CDKAL1: variants seen among roughly 807,000 people sequenced by gnomAD.
CDKAL1 encodes threonylcarbamoyladenosine tRNA methylthiotransferase.
A neutral mutation model predicts 68.2 loss-of-function variants in CDKAL1; 32 were observed. The observed-to-expected ratio is 0.47, with a 90% CI of 0.35 to 0.63. The LOEUF is 0.63. CDKAL1 is among the 30% of genes least tolerant of loss of function. The probability of loss-of-function intolerance (pLI) is 0.00; values close to 1 mark genes in which losing one functional copy is unlikely to be tolerated. For missense variants in CDKAL1, 606 were observed against 696.7 expected (o/e 0.87, Z 1.47); for synonymous variants, 234 against 244.3 (o/e 0.96, Z 0.39).
rs768104988 is a variant in CDKAL1 at position 20,659,171 on chromosome 6, T to C, written c.371+9794T>C. ...TTTTTAATTAAAAAAATTTTGTCAT[T>C]AGAAGGTAAAAAATCACAGGGTTTT... is the stretch of plus-strand genomic sequence containing the variant. On this transcript the variant is annotated intron_variant, in intron 5 of 15. Coordinates refer to ENST00000274695, the MANE Select transcript of CDKAL1 (RefSeq NM_017774.3). 2.0e-5 allele frequency among the ~76,000 whole-genome samples: 3 copies of C among 152,230 alleles called. No homozygotes were observed. The South Asian group carries it at 6.2e-4, about 32-fold the overall frequency.
chr6:20,925,275 C>A (rs1763136693), intron 9 of CDKAL1, among the ~76,000 whole-genome samples: 1 of 152,200 alleles, frequency 6.6e-6, no homozygotes, highest in South Asian at 2.1e-4. Flanking sequence ...AGACATGATA[C>A]TATTGCATAC....
At chr6:20,957,376 C>A (rs1764829963) in intron 10 of CDKAL1, among the ~76,000 whole-genome samples, 1 of 152,160 alleles carries the variant, frequency 6.6e-6, no homozygotes, top group East Asian at 1.9e-4. Context: ...TATAGCAAAT[C>A]CTAGTGCTCA....
At chr6:20,662,482 G>A (rs997019950) in intron 5 of CDKAL1, among the ~76,000 whole-genome samples, 2 of 152,094 alleles carry the variant, frequency 1.3e-5, no homozygotes, top group Non-Finnish European at 2.9e-5. Context: ...CTAAGGCTGA[G>A]GCTGGTCCCT....
Position 20,538,675 on chromosome 6 carries a change from G to A in CDKAL1, c.-6+3281G>A, listed in dbSNP as rs139107381. Among the ~76,000 whole-genome samples the A allele has an allele frequency of 1.5e-3, 224 of 152,258 alleles. 2 individuals are homozygous for A. In the South Asian group the frequency reaches 0.02, roughly 13 times the overall value. On this transcript the variant is annotated intron_variant, in intron 2 of 15. Coordinates refer to ENST00000274695, the MANE Select transcript of CDKAL1 (RefSeq NM_017774.3). ...TTTAATTATTCATGATCTGTCAGTA[G>A]TTCTTCCGCATTCCAAAGGCACTAC... is the stretch of plus-strand genomic sequence containing the variant.
At chr6:20,620,473 C>T (rs959248243) in intron 4 of CDKAL1, among the ~76,000 whole-genome samples, 6 of 152,052 alleles carry the variant, frequency 3.9e-5, no homozygotes, top group Admixed American at 1.3e-4. Context: ...AAATATTATC[C>T]ACATAAGATA....
rs927336523 is a variant in CDKAL1 at position 20,716,171 on chromosome 6, T to C, written c.372-23348T>C. Reference sequence around the variant, plus strand: ...AGAGAGTTTCTCAGCCTTGTGGGGATTGGGGAGATAGGAACTAACTAAATA... The same window carrying C: ...AGAGAGTTTCTCAGCCTTGTGGGGACTGGGGAGATAGGAACTAACTAAATA... On this transcript the variant is annotated intron_variant, in intron 5 of 15. Coordinates refer to ENST00000274695, the MANE Select transcript of CDKAL1 (RefSeq NM_017774.3). Among the ~76,000 whole-genome samples the C allele has an allele frequency of 7.2e-5, 11 of 152,100 alleles. No homozygotes were observed. The South Asian group carries it at 1.7e-3, about 23-fold the overall frequency.
At chr6:20,915,988 A>G (rs1762708187) in intron 9 of CDKAL1, among the ~76,000 whole-genome samples, 1 of 152,178 alleles carries the variant, frequency 6.6e-6, no homozygotes, top group Admixed American at 6.5e-5. Flanking sequence ...TGACAAAACT[A>G]TAGAGATAGA....
At chr6:20,662,598 T>G (rs1430279345) in intron 5 of CDKAL1, among the ~76,000 whole-genome samples, 1 of 152,140 alleles carries the variant, frequency 6.6e-6, no homozygotes, top group East Asian at 1.9e-4. Flanking sequence ...TGTCATTTCT[T>G]TATCTGTCTG....
At chr6:20,894,430 A>G (rs1169040969) in intron 9 of CDKAL1, among the ~76,000 whole-genome samples, 1 of 146,702 alleles carries the variant, frequency 6.8e-6, no homozygotes, top group Non-Finnish European at 1.5e-5. Context: ...TAAACATATA[A>G]TGGATATTTC....
chr6:21,036,526 T>C (rs1423614103), intron 11 of CDKAL1, among the ~76,000 whole-genome samples: 5 of 152,210 alleles, frequency 3.3e-5, no homozygotes, highest in Non-Finnish European at 7.4e-5. Context: ...CAAGGACGTA[T>C]GAGATTCAGA....
chr6:20,838,988 A>T (rs1581677709), intron 8 of CDKAL1, among the ~76,000 whole-genome samples: 1 of 152,036 alleles, frequency 6.6e-6, no homozygotes, highest in African/African-American at 2.4e-5. Context: ...AAAAAAAAAA[A>T]AATTCTAACT....
Position 20,727,685 on chromosome 6 carries a change from G to A in CDKAL1, c.372-11834G>A, listed in dbSNP as rs1466891075. 2.6e-5 allele frequency among the ~76,000 whole-genome samples: 4 copies of A among 152,148 alleles called. No homozygotes were observed. The East Asian group carries it at 7.7e-4, about 29-fold the overall frequency. On this transcript the variant is annotated intron_variant, in intron 5 of 15. Transcript: ENST00000274695. ...TATGTGCTGTTTTTAGTAAGATGGG[G>A]AAGGACAGGGAGATTTTTTTCTGTG...
At chr6:20,619,321 C>G (rs1231944416) in intron 4 of CDKAL1, among the ~76,000 whole-genome samples, 1 of 152,142 alleles carries the variant, frequency 6.6e-6, no homozygotes, top group African/African-American at 2.4e-5. Flanking sequence ...AACATGGTGA[C>G]AATAGTTAAC....
intron 9 of CDKAL1, among the ~76,000 whole-genome samples, chr6:20,926,924 T>TA (rs879382651): frequency 0.011 from 1,593 of 147,528 alleles, 14 homozygotes; most frequent in Non-Finnish European, 0.015. Context: ...CATATATATT[T>TA]TTATATATAT....
chr6:20,732,049 TA>T (rs141423306), intron 5 of CDKAL1, among the ~76,000 whole-genome samples: 18,171 of 151,774 alleles, frequency 0.12, 1,540 homozygotes, highest in East Asian at 0.4. Flanking sequence ...ATTTTTTAAT[TA>T]AAAAAATTTT....
At chr6:20,965,040 G>T (rs1662033591) in intron 10 of CDKAL1, among the ~76,000 whole-genome samples, 1 of 152,146 alleles carries the variant, frequency 6.6e-6, no homozygotes, top group Non-Finnish European at 1.5e-5. Context: ...GCCAGGTGCA[G>T]TGCCTCACAC....
intron 6 of CDKAL1, among the ~76,000 whole-genome samples, chr6:20,757,947 T>C (rs2150348625): frequency 6.6e-6 from 1 of 152,296 alleles, no homozygotes; most frequent in South Asian, 2.1e-4. Context: ...CATAATCCTG[T>C]TTAATCATAA....
At chr6:20,612,428 T>G (rs112515003) in intron 4 of CDKAL1, among the ~76,000 whole-genome samples, 2,339 of 151,706 alleles carry the variant, frequency 0.015, 56 homozygotes, top group African/African-American at 0.052. Flanking sequence ...ATTTTTTGTC[T>G]TTTTAATAGT....
chr6:20,590,217 C>G (rs1304430555), intron 4 of CDKAL1, among the ~76,000 whole-genome samples: 1 of 152,008 alleles, frequency 6.6e-6, no homozygotes, highest in African/African-American at 2.4e-5. Context: ...TACTTTCAGT[C>G]TCATTTTTCA....
Sources: allele counts gnomAD v4.1 joint callset (sites outside exome capture counted in the v4.1 genomes callset), GRCh38; gene constraint gnomAD v4.1.1; transcripts MANE v1.5; gene names NCBI Gene and HGNC (gene_info 2026-07-23, HGNC 2026-07-21).